SPATA17: variants seen among roughly 807,000 people sequenced by gnomAD.
SPATA17 encodes the protein spermatogenesis-associated protein 17.
In SPATA17, 53 loss-of-function variants were observed where a neutral mutation model predicts 62.2. The observed-to-expected ratio is 0.85, with a 90% confidence interval of 0.68 to 1.07. The LOEUF (loss-of-function observed/expected upper bound fraction) is 1.07, where lower values mean the gene tolerates loss of function less well. SPATA17 is among the 50% of genes least tolerant of loss of function. The pLI, the probability that SPATA17 is intolerant of heterozygous loss-of-function variation, is 0.00. For missense variants in SPATA17, 466 were observed against 425.5 expected (o/e 1.10, Z -0.84); for synonymous variants, 146 against 146.8 (o/e 0.99, Z 0.04).
At chr1:217,646,024 T>G (rs2102880347) in intron 1 of SPATA17, among the ~76,000 whole-genome samples, 1 of 152,246 alleles carries the variant, frequency 6.6e-6, no homozygotes, top group Non-Finnish European at 1.5e-5. Flanking sequence ...TTTACAGAGA[T>G]TATCAAACTT....
intron 5 of SPATA17, among the ~76,000 whole-genome samples, chr1:217,709,290 G>C (rs763143402): frequency 6.6e-6 from 1 of 152,158 alleles, no homozygotes; most frequent in Non-Finnish European, 1.5e-5. Context: ...TCTGGGAGGG[G>C]CTTTGCTGTG....
intron 3 of SPATA17, among the ~76,000 whole-genome samples, chr1:217,668,651 T>C (rs1022117750): frequency 6.6e-6 from 1 of 152,204 alleles, no homozygotes; most frequent in Non-Finnish European, 1.5e-5. Flanking sequence ...TATGAATTCC[T>C]TTTATGTTTC....
chr1:217,728,604 T>A (rs1322263833), intron 5 of SPATA17, among the ~76,000 whole-genome samples: 1 of 152,178 alleles, frequency 6.6e-6, no homozygotes, highest in East Asian at 1.9e-4. Context: ...ACAGGACGAT[T>A]TTTGTTAAAC....
Position 217,747,878 on chromosome 1 carries a change from C to A in SPATA17, c.519+5780C>A, listed in dbSNP as rs530951455. On this transcript the variant is annotated intron_variant, in intron 6 of 10. Coordinates refer to ENST00000366933, the MANE Select transcript of SPATA17 (RefSeq NM_138796.4). ...TAAGTTATTTATGATTTAAAAAGAC[C>A]CTATACTGTGATTAATACTGATAAA... 9.9e-5 allele frequency among the ~76,000 whole-genome samples: 15 copies of A among 151,944 alleles called. No homozygotes were observed. In the East Asian group the frequency reaches 2.9e-3, roughly 29 times the overall value.
At chr1:217,775,264 C>T (rs1193615643) in intron 7 of SPATA17, among the ~76,000 whole-genome samples, 1 of 152,104 alleles carries the variant, frequency 6.6e-6, no homozygotes, top group East Asian at 1.9e-4. Flanking sequence ...GTCCTTTGCC[C>T]ATTTTTGAAT....
chr1:217,736,303 G>A (rs1334500535), intron 5 of SPATA17, among the ~76,000 whole-genome samples: 3 of 152,160 alleles, frequency 2.0e-5, no homozygotes, highest in African/African-American at 7.2e-5. Context: ...TATGGAGACA[G>A]TAGTCTTTTC....
chr1:217,788,900 A>G (rs1306669233), intron 8 of SPATA17, among the ~76,000 whole-genome samples: 1 of 152,230 alleles, frequency 6.6e-6, no homozygotes, highest in East Asian at 1.9e-4. Flanking sequence ...AAGGTTTTCA[A>G]ATCAAGAAGC....
chr1:217,800,690 A>G (rs1302752257), intron 8 of SPATA17, among the ~76,000 whole-genome samples: 1 of 152,068 alleles, frequency 6.6e-6, no homozygotes, highest in Non-Finnish European at 1.5e-5. Flanking sequence ...TTTCTCTTTG[A>G]CATCTCATTC....
chr1:217,792,791 A>G (rs1674028502), intron 8 of SPATA17, among the ~76,000 whole-genome samples: 1 of 152,066 alleles, frequency 6.6e-6, no homozygotes, highest in African/African-American at 2.4e-5. Flanking sequence ...TTTTTTTGTG[A>G]GAGTAGAGCC....
At chr1:217,748,879 T>C (rs185532325) in intron 6 of SPATA17, among the ~76,000 whole-genome samples, 18 of 152,340 alleles carry the variant, frequency 1.2e-4, no homozygotes, top group African/African-American at 4.3e-4. Context: ...TATTTTGAGA[T>C]GATGAAGTCC....
At chr1:217,782,568 ACTAT>A (rs1337719027) in intron 8 of SPATA17, among the ~76,000 whole-genome samples, 13 of 152,146 alleles carry the variant, frequency 8.5e-5, no homozygotes, top group Admixed American at 5.9e-4. Context: ...ATAAATGATC[ACTAT>A]CTATGTATCT....
At chr1:217,822,298 G>T (rs1426406883) in intron 9 of SPATA17, among the ~76,000 whole-genome samples, 1 of 151,670 alleles carries the variant, frequency 6.6e-6, no homozygotes, top group Non-Finnish European at 1.5e-5. Flanking sequence ...AACTTACATT[G>T]TTTTGATAAC....
chr1:217,710,803 C>A (rs1671841866), intron 5 of SPATA17, among the ~76,000 whole-genome samples: 1 of 144,670 alleles, frequency 6.9e-6, no homozygotes, highest in Admixed American at 6.7e-5. Context: ...TAAAAAGCAA[C>A]CCTATACCCT....
chr1:217,851,990 C>T (rs1367804344), intron 9 of SPATA17, among the ~76,000 whole-genome samples: 1 of 152,078 alleles, frequency 6.6e-6, no homozygotes, highest in Non-Finnish European at 1.5e-5. Flanking sequence ...ACATGTTATG[C>T]AACGGCCTCC....
intron 8 of SPATA17, among the ~76,000 whole-genome samples, chr1:217,800,483 G>A (rs1674282533): frequency 6.6e-6 from 1 of 152,102 alleles, no homozygotes; most frequent in African/African-American, 2.4e-5. Context: ...CTTTCCTTGA[G>A]ACTAGAGCTT....
At chr1:217,800,126 C>A (rs1433629487) in intron 8 of SPATA17, among the ~76,000 whole-genome samples, 1 of 152,050 alleles carries the variant, frequency 6.6e-6, no homozygotes, top group Non-Finnish European at 1.5e-5. Context: ...CCTTCTTCCA[C>A]GTTGATTATT....
chr1:217,761,464 A>G (rs1673170896), intron 6 of SPATA17, among the ~76,000 whole-genome samples: 1 of 152,152 alleles, frequency 6.6e-6, no homozygotes, highest in East Asian at 1.9e-4. Flanking sequence ...TGTACTTCCA[A>G]TATACATATA....
chr1:217,823,483 G>T (rs1481296549), intron 9 of SPATA17, among the ~76,000 whole-genome samples: 2 of 151,778 alleles, frequency 1.3e-5, no homozygotes, highest in Non-Finnish European at 2.9e-5. Context: ...TTAGCATGTG[G>T]CAGGTTATAC....
At chr1:217,648,354 C>G (rs917336482) in intron 1 of SPATA17, among the ~76,000 whole-genome samples, 1 of 152,146 alleles carries the variant, frequency 6.6e-6, no homozygotes, top group Non-Finnish European at 1.5e-5. Context: ...TCTATATAAA[C>G]CCTATGGCCC....
Sources: gnomAD v4.1 joint callset for allele counts (sites outside exome capture counted in the v4.1 genomes callset) on GRCh38, gnomAD v4.1.1 for gene constraint, MANE v1.5 for transcripts, NCBI Gene and HGNC (gene_info 2026-07-23, HGNC 2026-07-21) for gene names.